Variants in YAP1 observed in about 807,000 individuals in gnomAD.
YAP1 encodes Yes1 associated transcriptional regulator, also known as transcriptional coactivator YAP1.
Under a neutral mutation model 56.9 loss-of-function variants are expected in YAP1, and 5 were observed. The ratio of observed to expected loss-of-function variants is 0.09; its 90% confidence interval spans 0.05 to 0.18. The LOEUF (loss-of-function observed/expected upper bound fraction) is 0.18, where lower values mean the gene tolerates loss of function less well. YAP1 is among the 10% of genes least tolerant of loss of function. The pLI is 1.00. For synonymous variants in YAP1, 265 were observed against 248.1 expected (o/e 1.07, Z -0.64); for missense variants, 539 against 651.8 (o/e 0.83, Z 1.88).
rs559106066 is a variant in YAP1 at position 102,199,123 on chromosome 11, G to C, written c.803-6770G>C. 1.1e-4 allele frequency among the ~76,000 whole-genome samples: 17 copies of C among 152,306 alleles called. No homozygotes were observed. The East Asian group carries it at 3.3e-3, about 29-fold the overall frequency. ...TTTAGGTTTAGAAAGAAGTTCTGCA[G>C]AAGAGAGAGGACTAAGGTTTATGGA... On this transcript the variant is annotated intron_variant, in intron 4 of 8. Transcript: ENST00000282441.
At chr11:102,198,513 AATAG>A (rs1948685506) in intron 4 of YAP1, among the ~76,000 whole-genome samples, 1 of 152,228 alleles carries the variant, frequency 6.6e-6, no homozygotes, top group African/African-American at 2.4e-5. Context: ...AATGTTTCTT[AATAG>A]ATGAAGTATT....
intron 2 of YAP1, among the ~76,000 whole-genome samples, chr11:102,154,184 T>G (rs558245494): frequency 3.4e-4 from 52 of 152,298 alleles, no homozygotes; most frequent in African/African-American, 1.2e-3. Context: ...AGGATCACAT[T>G]TCAATTGCAA....
At chr11:102,156,855 A>G (rs917168838) in intron 2 of YAP1, among the ~76,000 whole-genome samples, 2 of 152,202 alleles carry the variant, frequency 1.3e-5, no homozygotes, top group African/African-American at 4.8e-5. Flanking sequence ...TCCTTAGGGA[A>G]TAATCATTTC....
chr11:102,214,800 A>G (rs1949580071), intron 6 of YAP1, among the ~76,000 whole-genome samples: 1 of 152,176 alleles, frequency 6.6e-6, no homozygotes, highest in African/African-American at 2.4e-5. Context: ...GAACAGTGCC[A>G]TAATAACTTT....
At chr11:102,128,047 A>G (rs1476332616) in intron 2 of YAP1, among the ~76,000 whole-genome samples, 1 of 152,092 alleles carries the variant, frequency 6.6e-6, no homozygotes, top group Non-Finnish European at 1.5e-5. Flanking sequence ...TTTTAGTTTT[A>G]CAGGCCCATA....
At chr11:102,163,023 T>G (rs1435927749) in intron 3 of YAP1, among the ~76,000 whole-genome samples, 8 of 151,832 alleles carry the variant, frequency 5.3e-5, no homozygotes, top group Non-Finnish European at 7.4e-5. Flanking sequence ...TAACCCAACT[T>G]TTAATGTGGT....
intron 1 of YAP1, 76 bp from the exon 2 acceptor site, chr11:102,114,068 G>T: frequency 6.8e-7 from 1 of 1,472,814 alleles, no homozygotes; most frequent in Non-Finnish European, 9.1e-7. Flanking sequence ...CTGCAATTAA[G>T]CGCTGACTGG....
chr11:102,184,293 A>G (rs1266340239), intron 3 of YAP1, among the ~76,000 whole-genome samples: 1 of 152,230 alleles, frequency 6.6e-6, no homozygotes, highest in Admixed American at 6.5e-5. Context: ...AACCATTAAT[A>G]TTCAGTTTTG....
At chr11:102,160,240 C>T (rs546229111) in intron 2 of YAP1, among the ~76,000 whole-genome samples, 1 of 152,220 alleles carries the variant, frequency 6.6e-6, no homozygotes, top group South Asian at 2.1e-4. Context: ...TCAGGCTGGT[C>T]TTGAACTCCC....
intron 4 of YAP1, among the ~76,000 whole-genome samples, chr11:102,197,509 GA>G: frequency 6.6e-6 from 1 of 151,736 alleles, no homozygotes; most frequent in Non-Finnish European, 1.5e-5. Flanking sequence ...GAAACTTGGG[GA>G]AAAAAAACCT....
intron 4 of YAP1, among the ~76,000 whole-genome samples, chr11:102,190,917 C>CA (rs1591371951): frequency 6.6e-6 from 1 of 152,002 alleles, no homozygotes; most frequent in East Asian, 1.9e-4. Context: ...GCCTGGGAGA[C>CA]AGAGCGAAAC....
intron 4 of YAP1, among the ~76,000 whole-genome samples, chr11:102,189,933 A>C (rs1468017987): frequency 6.6e-6 from 1 of 152,210 alleles, no homozygotes; most frequent in Non-Finnish European, 1.5e-5. Flanking sequence ...TTTAAGCCAA[A>C]TATTTCTGTT....
chr11:102,203,068 G>A (rs1948955906), intron 4 of YAP1, among the ~76,000 whole-genome samples: 1 of 152,230 alleles, frequency 6.6e-6, no homozygotes, highest in African/African-American at 2.4e-5. Context: ...GGGAACCTGT[G>A]TATTAAAACA....
At chr11:102,137,777 G>T (rs1222141093) in intron 2 of YAP1, among the ~76,000 whole-genome samples, 1 of 147,332 alleles carries the variant, frequency 6.8e-6, no homozygotes, top group East Asian at 2.0e-4. Context: ...AAGTCATGGA[G>T]TTCCTTTTCT....
chr11:102,192,540 T>C (rs980666000), intron 4 of YAP1, among the ~76,000 whole-genome samples: 1 of 152,188 alleles, frequency 6.6e-6, no homozygotes, highest in Non-Finnish European at 1.5e-5. Context: ...ACCTTCTCAG[T>C]TGGAAATCAA....
At chr11:102,220,368 A>C (rs1329260784) in intron 6 of YAP1, among the ~76,000 whole-genome samples, 1 of 152,122 alleles carries the variant, frequency 6.6e-6, no homozygotes, top group Non-Finnish European at 1.5e-5. Context: ...AAAACCAAAG[A>C]CCTTTAATTT....
At position 102,138,731 on chromosome 11, in the gene YAP1, C is replaced by T. The variant is rs541848707; in HGVS notation, c.573-23725C>T. On this transcript the variant is annotated intron_variant, in intron 2 of 8. Coordinates refer to ENST00000282441, the MANE Select transcript of YAP1 (RefSeq NM_001130145.3). ...GATGGATTAGACTTTATTTGCTCTT[C>T]ATTGAATGTTTCAGTTAATTTACAG... 3.9e-5 allele frequency among the ~76,000 whole-genome samples: 6 copies of T among 152,274 alleles called. No homozygotes were observed. In the East Asian group the frequency reaches 1.2e-3, roughly 29 times the overall value.
intron 2 of YAP1, among the ~76,000 whole-genome samples, chr11:102,123,640 T>TTG (rs1489739271): frequency 1.2e-5 from 1 of 81,222 alleles, no homozygotes; most frequent in Admixed American, 1.1e-4. Flanking sequence ...TTCTTTTTTT[T>TTG]TTTTTCTTTT....
intron 2 of YAP1, among the ~76,000 whole-genome samples, chr11:102,145,153 CTG>C (rs150247464): frequency 0.014 from 2,116 of 152,270 alleles, 96 homozygotes; most frequent in Admixed American, 0.098. Context: ...AAATGTGAGA[CTG>C]TGACCTCTTG....
Sources: gnomAD v4.1 joint callset for allele counts (sites outside exome capture counted in the v4.1 genomes callset) on GRCh38, gnomAD v4.1.1 for gene constraint, MANE v1.5 for transcripts, NCBI Gene and HGNC (gene_info 2026-07-23, HGNC 2026-07-21) for gene names.